The following PKHD1 variants were observed in gnomAD, a reference collection of about 807,000 sequenced individuals.
PKHD1 encodes fibrocystin.
PKHD1 carries 291 observed loss-of-function variants against 412.0 expected under a neutral mutation model. That is an observed-to-expected ratio of 0.71 (90% CI 0.64 to 0.78). The LOEUF is 0.78. Among genes scored for constraint, PKHD1 ranks in the 30% least tolerant of loss-of-function variants. The probability of loss-of-function intolerance (pLI) is 0.00; values close to 1 mark genes in which losing one functional copy is unlikely to be tolerated. For synonymous variants in PKHD1, 1,777 were observed against 1,821.5 expected (o/e 0.98, Z 0.62); for missense variants, 4,825 against 4,950.7 (o/e 0.97, Z 0.76).
chr6:51,838,909 T>C (rs1385689842), intron 50 of PKHD1, among the ~76,000 whole-genome samples: 1 of 152,234 alleles, frequency 6.6e-6, no homozygotes, highest in East Asian at 1.9e-4. Context: ...GAATAGTCCA[T>C]GGAACATGCT....
At chr6:52,009,626 T>C (rs1799549464) in intron 35 of PKHD1, among the ~76,000 whole-genome samples, 1 of 152,142 alleles carries the variant, frequency 6.6e-6, no homozygotes, top group Admixed American at 6.6e-5. Context: ...TGTAAAAGAT[T>C]ATCTGATCCA....
intron 35 of PKHD1, among the ~76,000 whole-genome samples, chr6:51,985,720 A>C (rs181006373): frequency 6.6e-6 from 1 of 152,218 alleles, no homozygotes; most frequent in East Asian, 1.9e-4. Flanking sequence ...CAGAGTGAGA[A>C]TCCATCTCAA....
intron 53 of PKHD1, among the ~76,000 whole-genome samples, chr6:51,789,254 G>T (rs1793365012): frequency 6.6e-6 from 1 of 152,040 alleles, no homozygotes; most frequent in African/African-American, 2.4e-5. Context: ...TTATCCTTAG[G>T]CCCATTAATT....
intron 60 of PKHD1, among the ~76,000 whole-genome samples, chr6:51,687,117 G>A (rs757679018): frequency 4.6e-5 from 7 of 152,086 alleles, no homozygotes; most frequent in Non-Finnish European, 8.8e-5. Flanking sequence ...GGAAGAAATG[G>A]ATAATACTAT....
chr6:51,756,953 C>T (rs1787114600), intron 55 of PKHD1, among the ~76,000 whole-genome samples: 2 of 152,124 alleles, frequency 1.3e-5, no homozygotes, highest in African/African-American at 4.8e-5. Context: ...GCATTAGATT[C>T]TCATAAGGAG....
rs1203809603 is a variant in PKHD1, at chr6:51,724,186, C to T, written c.10156+20199G>A. On this transcript the variant is annotated intron_variant, in intron 60 of 66. Transcript: ENST00000371117. Reference sequence around the variant, plus strand: ...GACTGTATCTGCATAATAAGACAACCTATGTTCACAGTGTACTTTCTCCCC... The same window carrying T: ...GACTGTATCTGCATAATAAGACAACTTATGTTCACAGTGTACTTTCTCCCC... 2.6e-5 allele frequency among the ~76,000 whole-genome samples: 4 copies of T among 152,164 alleles called. No homozygotes were observed. The South Asian group carries it at 8.3e-4, about 32-fold the overall frequency.
rs766337287 is a variant in PKHD1 at position 51,637,317 on chromosome 6, C to T, written c.11506+1532G>A. Among the ~76,000 whole-genome samples, 9 of 152,240 alleles carry T rather than the reference C, an allele frequency of 5.9e-5. No homozygotes were observed. The East Asian group carries it at 9.7e-4, about 16-fold the overall frequency. The stretch of plus-strand genomic sequence containing the variant: ...CAATCCCTGGGAATTGGGAATCCCA[C>T]GGTCAAGGACACTACACGTTTGTTA... On this transcript the variant is annotated intron_variant, in intron 64 of 66. Transcript: ENST00000371117.
intron 60 of PKHD1, among the ~76,000 whole-genome samples, chr6:51,738,999 C>T (rs1337599698): frequency 6.6e-6 from 1 of 150,544 alleles, no homozygotes; most frequent in Non-Finnish European, 1.5e-5. Context: ...TCTCATCTCT[C>T]CTGGAATGTG....
At chr6:51,825,323 T>G (rs1253056940) in intron 52 of PKHD1, among the ~76,000 whole-genome samples, 1 of 152,200 alleles carries the variant, frequency 6.6e-6, no homozygotes, top group Non-Finnish European at 1.5e-5. Flanking sequence ...GGCCATGATA[T>G]TCTGAGCTTG....
intron 47 of PKHD1, among the ~76,000 whole-genome samples, chr6:51,869,023 A>G (rs1050602435): frequency 3.3e-5 from 5 of 152,186 alleles, no homozygotes; most frequent in African/African-American, 1.2e-4. Context: ...AAAAAAAAGA[A>G]AATAAAATGA....
At chr6:51,699,775 G>A (rs1779205301) in intron 60 of PKHD1, among the ~76,000 whole-genome samples, 2 of 151,986 alleles carry the variant, frequency 1.3e-5, no homozygotes, top group Non-Finnish European at 2.9e-5. Flanking sequence ...TTGTATCTGT[G>A]CTAACTATAA....
At chr6:51,995,556 C>T (rs1299987881) in intron 35 of PKHD1, among the ~76,000 whole-genome samples, 1 of 152,180 alleles carries the variant, frequency 6.6e-6, no homozygotes, top group Non-Finnish European at 1.5e-5. Context: ...CTTATCTTCC[C>T]TTATCCACAT....
At chr6:52,038,707 C>T (rs1804345207) in intron 27 of PKHD1, among the ~76,000 whole-genome samples, 1 of 152,098 alleles carries the variant, frequency 6.6e-6, no homozygotes, top group South Asian at 2.1e-4. Flanking sequence ...AATACAGACC[C>T]CTACCTCATA....
intron 11 of PKHD1, 58 bp downstream of exon 11, chr6:52,069,399 A>G (rs1206858743): frequency 1.8e-5 from 22 of 1,204,078 alleles, no homozygotes; most frequent in Non-Finnish European, 2.1e-5. Flanking sequence ...ATAGGGAAGG[A>G]GGGGCCAACA....
chr6:51,757,072 C>T (rs1787143933), intron 55 of PKHD1, among the ~76,000 whole-genome samples: 1 of 152,134 alleles, frequency 6.6e-6, no homozygotes, highest in African/African-American at 2.4e-5. Context: ...AGTAATGCTC[C>T]CTTGCCCACC....
At chr6:51,682,693 C>A (rs753656216) in intron 60 of PKHD1, among the ~76,000 whole-genome samples, 1 of 151,868 alleles carries the variant, frequency 6.6e-6, no homozygotes, top group Non-Finnish European at 1.5e-5. Flanking sequence ...GTGATGGAGA[C>A]CAAAATGAGA....
chr6:51,837,523 A>G (rs1769445729), intron 50 of PKHD1, among the ~76,000 whole-genome samples: 1 of 152,048 alleles, frequency 6.6e-6, no homozygotes, highest in Admixed American at 6.6e-5. Context: ...CCTGGCCAAC[A>G]TGGTAAAACC....
At chr6:51,728,851 A>G (rs1233835220) in intron 60 of PKHD1, among the ~76,000 whole-genome samples, 2 of 152,240 alleles carry the variant, frequency 1.3e-5, no homozygotes, top group African/African-American at 4.8e-5. Flanking sequence ...CACCATTCCA[A>G]CCAGGATCAT....
chr6:51,704,015 T>C lies in PKHD1; in HGVS notation c.10156+40370A>G, dbSNP rs528080107. Among the ~76,000 whole-genome samples the C allele has an allele frequency of 3.3e-5, 5 of 152,118 alleles. No individual in the cohort carries two copies. In the South Asian group the frequency reaches 8.3e-4, roughly 25 times the overall value. On this transcript the variant is annotated intron_variant, in intron 60 of 66. Coordinates refer to ENST00000371117, the MANE Select transcript of PKHD1 (RefSeq NM_138694.4). ...AGTCTGTTGCTACCTCAGAGTCACA[T>C]CAGCCATGCCAATACTGACAGGAGG...
Sources: gnomAD v4.1 joint callset for allele counts (sites outside exome capture counted in the v4.1 genomes callset) on GRCh38, gnomAD v4.1.1 for gene constraint, MANE v1.5 for transcripts, NCBI Gene and HGNC (gene_info 2026-07-23, HGNC 2026-07-21) for gene names.